NFATC1: variants seen among roughly 807,000 people sequenced by gnomAD.
The protein encoded by NFATC1 is nuclear factor of activated T-cells, cytoplasmic 1.
In NFATC1, 22 loss-of-function variants were observed where a neutral mutation model predicts 76.0. The ratio of observed to expected loss-of-function variants is 0.29; its 90% CI spans 0.21 to 0.41. The LOEUF is 0.41. Among genes scored for constraint, NFATC1 ranks in the 10% least tolerant of loss-of-function variants. The pLI is 1.00. For missense variants in NFATC1, 1,357 were observed against 1,337.7 expected (o/e 1.01, Z -0.23); for synonymous variants, 704 against 613.1 (o/e 1.15, Z -2.19).
At chr18:79,432,880 G>A (rs2086648272) in intron 2 of NFATC1, among the ~76,000 whole-genome samples, 3 of 152,110 alleles carry the variant, frequency 2.0e-5, no homozygotes, top group Admixed American at 1.3e-4. Flanking sequence ...GGGCCGTGGG[G>A]CCCCCAGCTG....
chr18:79,514,969 GGGA>G (rs1284845906), intron 9 of NFATC1, among the ~76,000 whole-genome samples: 2 of 152,096 alleles, frequency 1.3e-5, no homozygotes, highest in Non-Finnish European at 2.9e-5. Flanking sequence ...GCTTGAACCT[GGGA>G]GGTCGAGGCT....
At chr18:79,431,185 T>C (rs1488175882) in intron 2 of NFATC1, among the ~76,000 whole-genome samples, 1 of 152,186 alleles carries the variant, frequency 6.6e-6, no homozygotes, top group Non-Finnish European at 1.5e-5. Flanking sequence ...GATAAATCCA[T>C]TTCTGAGTTT....
At chr18:79,418,114 C>T (rs2085942028) in intron 2 of NFATC1, among the ~76,000 whole-genome samples, 1 of 152,166 alleles carries the variant, frequency 6.6e-6, no homozygotes, top group Non-Finnish European at 1.5e-5. Context: ...CTGCCTTCTT[C>T]CTCCCCTTCC....
chr18:79,442,317 G>A (rs963646103), intron 3 of NFATC1, among the ~76,000 whole-genome samples: 5 of 152,210 alleles, frequency 3.3e-5, no homozygotes, highest in Non-Finnish European at 5.9e-5. Context: ...GTCCACCCTC[G>A]CCGAGGCGTC....
chr18:79,507,702 C>T (rs1482216575), intron 9 of NFATC1, among the ~76,000 whole-genome samples: 1 of 152,260 alleles, frequency 6.6e-6, no homozygotes, highest in African/African-American at 2.4e-5. Context: ...TCTGCACCCC[C>T]ACCCGTGATG....
chr18:79,482,300 A>C (rs111429268), intron 8 of NFATC1, among the ~76,000 whole-genome samples: 4,436 of 107,238 alleles, frequency 0.041, 175 homozygotes, highest in Middle Eastern at 0.091. Context: ...CCTGGGGTGT[A>C]ATTCCAGCGT....
Position 79,410,758 on chromosome 18 carries a change from C to G in NFATC1, c.483C>G (p.Ser161Arg). 1 of 1,613,040 alleles carries G rather than the reference C, an allele frequency of 6.2e-7. No individual in the cohort carries two copies. The highest frequency in any genetic ancestry group is 1.1e-5 in the South Asian group (1 of 91,088). Residue 161 changes from serine to arginine, a missense_variant, in exon 2 of 10, where the codon AGC (serine) becomes AGG (arginine). Around this residue, in one of 3 missense-constraint regions of NFATC1, gnomAD observed 691 missense variants for 613.1 expected, o/e 1.13. Coordinates refer to ENST00000427363, the MANE Select transcript of NFATC1 (RefSeq NM_001278669.2). This position sits in a 1 kb window ranked among gnomAD's most constrained non-coding sequence, Gnocchi z 6.7. ...CCACGGCCACGCTGAGTCTGCCCAG[C>G]CTGGAGGCCTACAGAGACCCCTCGT... Reference protein sequence around the residue: ...SPSTATLSLPSLEAYRDPSCL... With the variant: ...SPSTATLSLPRLEAYRDPSCL...
chr18:79,474,782 CGAGGGAAGCGTTTTCACACTGTCGACGT>C, intron 8 of NFATC1, among the ~76,000 whole-genome samples: 1 of 117,866 alleles, frequency 8.5e-6, no homozygotes, highest in East Asian at 3.0e-4. Context: ...GTCGACGTTG[CGAGGGAAGCGTTTTCACACTGTCGACGT>C]AAACCTGAGG....
At chr18:79,462,820 C>T (rs2088189377) in intron 7 of NFATC1, among the ~76,000 whole-genome samples, 1 of 139,996 alleles carries the variant, frequency 7.1e-6, no homozygotes, top group Admixed American at 7.2e-5. Flanking sequence ...GTGTGTGTCC[C>T]TGCGGGTCGG....
chr18:79,467,376 G>A (rs1286177694), intron 7 of NFATC1, 74 bp from the exon 8 acceptor site: 6 of 1,406,772 alleles, frequency 4.3e-6, no homozygotes, highest in Admixed American at 5.1e-5. Context: ...CGGGGTTGCC[G>A]TGTGGCCGCC....
At chr18:79,416,078 AC>A (rs1230075069) in intron 2 of NFATC1, among the ~76,000 whole-genome samples, 1 of 152,202 alleles carries the variant, frequency 6.6e-6, no homozygotes, top group African/African-American at 2.4e-5. Context: ...AAACAAAAAA[AC>A]CCTGTTTATT....
Position 79,524,438 on chromosome 18 carries a change from C to G in NFATC1, c.2783-3090C>G, listed in dbSNP as rs553282383. ...GTGTCAGGGTTGTCCATCCCGCTCT[C>G]TGTCAGCTGCTGCCATGGGGCAGCG... is the stretch of plus-strand genomic sequence containing the variant. On this transcript the variant is annotated intron_variant, in intron 9 of 9. Transcript: ENST00000427363. This position sits in a 1 kb window ranked among gnomAD's most constrained non-coding sequence, Gnocchi z 7.2. Among the ~76,000 whole-genome samples the G allele has an allele frequency of 1.3e-5, 2 of 152,222 alleles. No homozygotes were observed. The highest frequency in any genetic ancestry group is 4.8e-5 in the African/African-American group (2 of 41,466).
rs1475437020 is a variant in NFATC1, at chr18:79,465,709, G to T, written c.1960-1741G>T. Reference sequence around the variant, plus strand: ...TGCTTCTGCTCTAAAGACCCACCTGGTGTAGCTGCTGACTCCATCGCAGCT... The same window carrying T: ...TGCTTCTGCTCTAAAGACCCACCTGTTGTAGCTGCTGACTCCATCGCAGCT... On this transcript the variant is annotated intron_variant, in intron 7 of 9. Transcript: ENST00000427363. This position sits in a 1 kb window ranked among gnomAD's most constrained non-coding sequence, Gnocchi z 4.2. Among the ~76,000 whole-genome samples the T allele has an allele frequency of 6.6e-6, 1 of 152,232 alleles. No homozygotes were observed. The highest frequency in any genetic ancestry group is 1.9e-4 in the East Asian group (1 of 5,206).
At chr18:79,429,990 G>A (rs939230547) in intron 2 of NFATC1, among the ~76,000 whole-genome samples, 10 of 152,358 alleles carry the variant, frequency 6.6e-5, no homozygotes, top group African/African-American at 2.4e-4. Flanking sequence ...GTCACCCACG[G>A]TGTTCAGTGC....
chr18:79,485,652 C>T (rs2089471223), intron 8 of NFATC1, among the ~76,000 whole-genome samples: 1 of 152,214 alleles, frequency 6.6e-6, no homozygotes, highest in East Asian at 1.9e-4. Flanking sequence ...CTCGGGAGCC[C>T]CCTGTTCCAT....
chr18:79,454,080 C>T (rs2087587781), intron 6 of NFATC1, among the ~76,000 whole-genome samples: 2 of 152,230 alleles, frequency 1.3e-5, no homozygotes, highest in African/African-American at 2.4e-5. Flanking sequence ...TTTTAGACTG[C>T]TCTTGCAGAT....
chr18:79,463,835 T>G (rs927055792), intron 7 of NFATC1, among the ~76,000 whole-genome samples: 1 of 152,212 alleles, frequency 6.6e-6, no homozygotes, highest in Non-Finnish European at 1.5e-5. Flanking sequence ...GGTTGCGGGA[T>G]GCAGGATGCC....
Position 79,396,329 on chromosome 18 carries a change from C to A in NFATC1, c.105C>A (p.Gly35=). 1 of 1,405,800 alleles carries A rather than the reference C, an allele frequency of 7.1e-7. No individual in the cohort carries two copies. Among genetic ancestry groups the A allele is most frequent in the Admixed American group, 2.5e-5 (1 of 40,430 alleles). The allele number at this position is 1,405,800 out of a possible 1,614,324, so 87.1% of individuals were successfully genotyped here. ...ETLGPAPRAG[G]TMKSAEEEHY... Reference sequence around the variant, plus strand: ...TGGGGCCCGCGCCGCGCGCCGGCGGCACCATGAAGTCAGCGGAGGAAGGTA... The same window carrying A: ...TGGGGCCCGCGCCGCGCGCCGGCGGAACCATGAAGTCAGCGGAGGAAGGTA... The change falls in exon 1 of 10, where the codon GGC becomes GGA. Residue 35 remains glycine (G), a synonymous_variant. Coordinates refer to ENST00000427363, the MANE Select transcript of NFATC1 (RefSeq NM_001278669.2).
chr18:79,426,256 C>T (rs374954711), intron 2 of NFATC1, among the ~76,000 whole-genome samples: 11 of 151,866 alleles, frequency 7.2e-5, no homozygotes, highest in African/African-American at 2.2e-4. Flanking sequence ...TTTTCCTCCC[C>T]CTCTGTCCCA....
Sources: gnomAD v4.1 joint callset for allele counts (sites outside exome capture counted in the v4.1 genomes callset) on GRCh38, gnomAD v4.1.1 for gene constraint, gnomAD v4.1.1 regional missense constraint, Gnocchi (gnomAD v3.1) non-coding constraint, MANE v1.5 for transcripts, NCBI Gene and HGNC (gene_info 2026-07-23, HGNC 2026-07-21) for gene names.